Variants in USF3 observed in about 807,000 individuals in gnomAD.
USF3 encodes basic helix-loop-helix domain-containing protein USF3.
Under a neutral mutation model 157.5 loss-of-function variants are expected in USF3, and 29 were observed. That is an observed-to-expected ratio of 0.18 (90% CI 0.14 to 0.25). USF3 has a LOEUF of 0.25. Among genes scored for constraint, USF3 ranks in the 10% least tolerant of loss-of-function variants. The pLI is 1.00. For synonymous variants in USF3, 893 were observed against 941.4 expected, an observed-to-expected ratio of 0.95 and a Z score of 0.94; for missense variants, 2,381 against 2,667.6, an observed-to-expected ratio of 0.89 and a Z score of 2.37.
At position 113,658,128 on chromosome 3, in the gene USF3, C is replaced by A; in HGVS notation, c.3554G>T (p.Gly1185Val). The stretch of plus-strand genomic sequence containing the variant: ...TGGTGTTGCTTCTGCCTGTCCTGTG[C>A]CACTCTCTTTAGGTATCTGTGATTT... ...PFKSQIPKES[G>V]TGQAEATPNE... is the part of the protein sequence containing the mutation. Residue 1185 changes from glycine (G) to valine (V), a missense_variant, in exon 7 of 7, where the codon GGC becomes GTC. Gly to Val is a moderately radical substitution (Grantham distance 109). This residue lies in a region of USF3 where 1,435 missense variants were observed against 1,550.9 expected (regional missense o/e 0.93). Coordinates refer to ENST00000316407, the MANE Select transcript of USF3 (RefSeq NM_001009899.4). The A allele has an allele frequency of 1.2e-6, 2 of 1,614,076 alleles. No individual in the cohort carries two copies. The highest frequency in any genetic ancestry group is 1.7e-4 in the Middle Eastern group (1 of 6,060).
At chr3:113,682,999 CT>C (rs1332405526) in intron 1 of USF3, among the ~76,000 whole-genome samples, 1 of 150,802 alleles carries the variant, frequency 6.6e-6, no homozygotes, top group Non-Finnish European at 1.5e-5. Flanking sequence ...TAAAAACTTA[CT>C]CCCACCATTT....
Position 113,657,360 on chromosome 3 carries a change from A to G in USF3, c.4322T>C (p.Leu1441Pro). The change falls in exon 7 of 7, where the codon CTG (leucine) becomes CCG (proline). Residue 1441 changes from leucine to proline, a missense_variant. Around this residue, in one of 6 missense-constraint regions of USF3, gnomAD observed 1,435 missense variants for 1,550.9 expected, o/e 0.93. Transcript: ENST00000316407. ...QTQASQHLQALQQHVPAQGVS... is the reference protein window; with the variant it reads ...QTQASQHLQAPQQHVPAQGVS... ...ACCTTGAGCTGGAACATGCTGCTGC[A>G]GGGCCTGTAGATGCTGACTTGCCTG... is the stretch of plus-strand genomic sequence containing the variant. The G allele has an allele frequency of 1.2e-6, 2 of 1,614,156 alleles. No homozygotes were observed. The highest frequency in any genetic ancestry group is 8.5e-7 in the Non-Finnish European group (1 of 1,180,030).
At chr3:113,674,694 T>C in intron 3 of USF3, 138 bp downstream of exon 3, 1 of 743,892 alleles carries the variant, frequency 1.3e-6, no homozygotes, top group Non-Finnish European at 2.4e-6. Flanking sequence ...TGTATTTATC[T>C]ACAAATATTT....
chr3:113,659,314 T>G lies in USF3; in HGVS notation c.2368A>C (p.Met790Leu). Residue 790 changes from methionine (M) to leucine (L), a missense_variant, in exon 7 of 7, where the codon ATG becomes CTG. Transcript: ENST00000316407. ...TTCTTATTCAACCTTTTAGATTTCATGTTAGGCAAACAAGCAACAGTGTTC... is the reference window on the plus strand; with the variant it reads ...TTCTTATTCAACCTTTTAGATTTCAGGTTAGGCAAACAAGCAACAGTGTTC... ...SMNTVACLPN[M>L]KSKRLNKKPG... 1 of 1,614,222 alleles carries G rather than the reference T, an allele frequency of 6.2e-7. No individual in the cohort carries two copies. The highest frequency in any genetic ancestry group is 8.5e-7 in the Non-Finnish European group (1 of 1,180,034).
At chr3:113,668,141 C>G (rs1172462365) in intron 5 of USF3, among the ~76,000 whole-genome samples, 1 of 152,128 alleles carries the variant, frequency 6.6e-6, no homozygotes, top group Non-Finnish European at 1.5e-5. Context: ...ACCCTGCCCC[C>G]ACGCACATAT....
chr3:113,661,245 T>G lies in USF3; in HGVS notation c.437A>C (p.Lys146Thr). 5 of 1,614,032 alleles carry G rather than the reference T, an allele frequency of 3.1e-6. No individual in the cohort carries two copies. Among genetic ancestry groups the G allele is most frequent in the Non-Finnish European group, 4.2e-6 (5 of 1,179,966 alleles). ...ATTCCCGTTGGAATAAACAATAATT[T>G]TTTTTTGAACCTGGTCACTAGGAAT... is the stretch of plus-strand genomic sequence containing the variant. ...VVIPSDQVQK[K>T]IIVYSNGNQP... is the part of the protein sequence containing the mutation. The change falls in exon 7 of 7, where the codon AAA (lysine) becomes ACA (threonine). Residue 146 changes from lysine (K) to threonine (T), a missense_variant. Coordinates refer to ENST00000316407, the MANE Select transcript of USF3 (RefSeq NM_001009899.4).
Position 113,656,541 on chromosome 3 carries a change from A to G in USF3, c.5141T>C (p.Ile1714Thr). Residue 1714 changes from isoleucine to threonine, a missense_variant, in exon 7 of 7, where the codon ATT becomes ACT. Physicochemically the swap from Ile to Thr is moderately conservative, Grantham distance 89 (BLOSUM62 -1). Around this residue, in one of 6 missense-constraint regions of USF3, gnomAD observed 770 missense variants for 824.2 expected, o/e 0.93. Coordinates refer to ENST00000316407, the MANE Select transcript of USF3 (RefSeq NM_001009899.4). ...LDVPRNKSLA[I>T]HNMQGRVDHT... ...GTCCACACGACCCTGCATATTATGA[A>G]TAGCCAAACTCTTATTTCTGGGAAC... The G allele has an allele frequency of 1.2e-6, 2 of 1,614,238 alleles. No individual in the cohort carries two copies. The highest frequency in any genetic ancestry group is 2.2e-5 in the East Asian group (1 of 44,892).
intron 1 of USF3, among the ~76,000 whole-genome samples, chr3:113,687,253 A>AGT: frequency 6.6e-6 from 1 of 151,328 alleles, no homozygotes; most frequent in Non-Finnish European, 1.5e-5. Flanking sequence ...ACACACACAC[A>AGT]CACACACACA....
chr3:113,666,232 G>C (rs1947563708), intron 5 of USF3, among the ~76,000 whole-genome samples: 1 of 144,010 alleles, frequency 6.9e-6, no homozygotes, highest in Non-Finnish European at 1.5e-5. Context: ...CTTCCATATA[G>C]CATCTAGACA....
Position 113,656,121 on chromosome 3 carries a change from A to G in USF3, c.5561T>C (p.Ile1854Thr). 2 of 1,614,160 alleles carry G rather than the reference A, an allele frequency of 1.2e-6. No homozygotes were observed. Among genetic ancestry groups the G allele is most frequent in the Non-Finnish European group, 1.7e-6 (2 of 1,180,030 alleles). The change falls in exon 7 of 7, where the codon ATT becomes ACT. Residue 1854 changes from isoleucine to threonine, a missense_variant. By Grantham distance (89) the Ile-to-Thr change is moderately conservative. This residue lies in a region of USF3 where 770 missense variants were observed against 824.2 expected (regional missense o/e 0.93). Transcript: ENST00000316407. ...RNTQCGPSSA[I>T]EYNCPPTHEN... ...ATGAGTTGGGGGACAATTATATTCA[A>G]TTGCAGAGGATGGACCACACTGTGT...
At position 113,658,748 on chromosome 3, in the gene USF3, G is replaced by A. The variant is rs1947417832; in HGVS notation, c.2934C>T (p.Ile978=). ...GCTCAACTCTGCAAGGTTCAGCAATGATTTCTACCTCAGAAACACAGTCAG... is the reference window on the plus strand; with the variant it reads ...GCTCAACTCTGCAAGGTTCAGCAATAATTTCTACCTCAGAAACACAGTCAG... ...TSTDCVSEVE[I]IAEPCRVEQD... The change falls in exon 7 of 7, where the codon ATC becomes ATT. Residue 978 remains isoleucine (I), a synonymous_variant. Coordinates refer to ENST00000316407, the MANE Select transcript of USF3 (RefSeq NM_001009899.4). 1.2e-6 allele frequency: 2 copies of A among 1,614,058 alleles called. No homozygotes were observed. Among genetic ancestry groups the A allele is most frequent in the Non-Finnish European group, 1.7e-6 (2 of 1,180,006 alleles).
At chr3:113,692,751 A>G (rs1396706512) in intron 1 of USF3, among the ~76,000 whole-genome samples, 2 of 152,210 alleles carry the variant, frequency 1.3e-5, no homozygotes, top group Non-Finnish European at 2.9e-5. Context: ...ACAACTTATC[A>G]TGTCCTACTG....
intron 1 of USF3, among the ~76,000 whole-genome samples, chr3:113,682,846 G>A (rs1264560150): frequency 6.8e-6 from 1 of 146,270 alleles, no homozygotes; most frequent in Admixed American, 6.8e-5. Flanking sequence ...GTGTCTGTGT[G>A]TCTTCATAAG....
At position 113,657,296 on chromosome 3, in the gene USF3, CTG is replaced by C. The variant is rs1268384571; in HGVS notation, c.4384_4385del (p.Gln1462AlafsTer46). The C allele has an allele frequency of 7.9e-6, 12 of 1,522,226 alleles. No individual in the cohort carries two copies. The highest frequency in any genetic ancestry group is 1.1e-5 in the Non-Finnish European group (12 of 1,116,190). The allele number at this position is 1,522,226 out of a possible 1,614,324, so 94.3% of individuals were successfully genotyped here. ...GCTGCTGCTGCTGCTGCTGCTGCTGCTGCTTTATGTAGAGATGGTTACTATGA... is the reference window on the plus strand; with the variant it reads ...GCTGCTGCTGCTGCTGCTGCTGCTGCCTTTATGTAGAGATGGTTACTATGA... The part of the protein sequence containing the change: ...HLHSNHLYIK[Q>X]QQQQQQQQQQ... On this transcript the variant is annotated frameshift_variant, in exon 7 of 7. Transcript: ENST00000316407. LOFTEE classifies it high-confidence loss of function.
intron 5 of USF3, among the ~76,000 whole-genome samples, chr3:113,667,141 G>A (rs1298162635): frequency 6.6e-6 from 1 of 151,162 alleles, no homozygotes; most frequent in Admixed American, 6.8e-5. Flanking sequence ...TTTACACTGA[G>A]TCCCAACAGA....
In USF3 at chr3:113,660,140, T is replaced by C. The variant is rs750727156; in HGVS notation, c.1542A>G (p.Gln514=). Residue 514 remains glutamine, a synonymous_variant, in exon 7 of 7, where the codon CAA becomes CAG. Transcript: ENST00000316407. Reference sequence around the variant, plus strand: ...TATTTTTGGGAGGCTGAGATTTAACTTGTGGCTGGGCAATTAGTGGCTGCA... The same window carrying C: ...TATTTTTGGGAGGCTGAGATTTAACCTGTGGCTGGGCAATTAGTGGCTGCA... ...LPMQPLIAQP[Q]VKSQPPKNIL... is the part of the protein sequence containing the mutation. 4 of 1,614,088 alleles carry C rather than the reference T, an allele frequency of 2.5e-6. No individual in the cohort carries two copies. In the African/African-American group the frequency reaches 4.0e-5, roughly 16 times the overall value.
At chr3:113,681,635 C>A (rs1444025124) in intron 1 of USF3, among the ~76,000 whole-genome samples, 1 of 140,890 alleles carries the variant, frequency 7.1e-6, no homozygotes, top group Non-Finnish European at 1.5e-5. Context: ...CTCCTGACCT[C>A]AGGTGATCCG....
At chr3:113,670,386 G>A (rs1230629490) in intron 4 of USF3, among the ~76,000 whole-genome samples, 183 bp from the exon 5 acceptor site, 5 of 152,192 alleles carry the variant, frequency 3.3e-5, no homozygotes, top group Non-Finnish European at 5.9e-5. Context: ...ATCACCTGAG[G>A]TCAGGAGTTC....
At chr3:113,673,459 A>C (rs1707209253) in intron 3 of USF3, 83 bp from the exon 4 acceptor site, 2 of 806,450 alleles carry the variant, frequency 2.5e-6, no homozygotes, top group South Asian at 3.1e-5. Context: ...GAATCACAAA[A>C]ATAAATTTTA....
Sources: gnomAD v4.1 joint callset for allele counts (sites outside exome capture counted in the v4.1 genomes callset) on GRCh38, gnomAD v4.1.1 for gene constraint, gnomAD v4.1.1 regional missense constraint, MANE v1.5 for transcripts, NCBI Gene and HGNC (gene_info 2026-07-23, HGNC 2026-07-21) for gene names.